The following LRRTM4 variants were observed in gnomAD, a reference collection of about 807,000 sequenced individuals.
LRRTM4 encodes the protein leucine rich repeat transmembrane neuronal 4.
Under a neutral mutation model 47.6 loss-of-function variants are expected in LRRTM4, and 25 were observed. That is an observed-to-expected ratio of 0.53 (90% CI 0.38 to 0.73). The LOEUF (loss-of-function observed/expected upper bound fraction) is 0.73. Ranked by LOEUF, LRRTM4 falls within the 30% of genes least tolerant of loss-of-function variation. The pLI is 0.00. For synonymous variants in LRRTM4, 311 were observed against 269.5 expected, an observed-to-expected ratio of 1.15 and a Z score of -1.51; for missense variants, 638 against 713.4, an observed-to-expected ratio of 0.89 and a Z score of 1.20.
chr2:76,779,577 T>C (rs549035737), intron 3 of LRRTM4, among the ~76,000 whole-genome samples: 2,153 of 149,284 alleles, frequency 0.014, 50 homozygotes, highest in African/African-American at 0.052. Context: ...GAGACTAGGA[T>C]TGCAACCCCT....
rs182384713 is a variant in LRRTM4, at chr2:77,141,556, C to A, written c.1551+376762G>T. On this transcript the variant is annotated intron_variant, in intron 3 of 3. Coordinates refer to ENST00000409884, the MANE Select transcript of LRRTM4 (RefSeq NM_001134745.3). The stretch of plus-strand genomic sequence containing the variant: ...TAATGGGTGCAGCACACCAACATGG[C>A]GCATGTGTACATATGTAACAAACCT... 5.3e-5 allele frequency among the ~76,000 whole-genome samples: 8 copies of A among 152,118 alleles called. No individual in the cohort carries two copies. In the South Asian group the frequency reaches 1.5e-3, roughly 28 times the overall value.
At chr2:77,423,866 A>C (rs1675003744) in intron 3 of LRRTM4, among the ~76,000 whole-genome samples, 1 of 152,214 alleles carries the variant, frequency 6.6e-6, no homozygotes, top group Non-Finnish European at 1.5e-5. Flanking sequence ...GCCTGGGTTC[A>C]GGAATCCCAA....
Position 77,036,087 on chromosome 2 carries a change from T to C in LRRTM4, c.1552-287171A>G, listed in dbSNP as rs370533103. The stretch of plus-strand genomic sequence containing the variant: ...CTAAAGAATACAAATTGATAACTTA[T>C]GCATATGCATGAGTAGTAATGGTTT... On this transcript the variant is annotated intron_variant, in intron 3 of 3. Coordinates refer to ENST00000409884, the MANE Select transcript of LRRTM4 (RefSeq NM_001134745.3). 5.3e-5 allele frequency among the ~76,000 whole-genome samples: 8 copies of C among 151,934 alleles called. No homozygotes were observed. The South Asian group carries it at 1.2e-3, about 24-fold the overall frequency.
At chr2:76,892,883 T>C (rs374139058) in intron 3 of LRRTM4, among the ~76,000 whole-genome samples, 1 of 151,148 alleles carries the variant, frequency 6.6e-6, no homozygotes, top group South Asian at 2.1e-4. Context: ...CAGATGAAAA[T>C]GTGGTAAGAA....
At chr2:77,099,625 A>T (rs1670899453) in intron 3 of LRRTM4, among the ~76,000 whole-genome samples, 1 of 117,898 alleles carries the variant, frequency 8.5e-6, no homozygotes, top group African/African-American at 4.0e-5. Context: ...TGGATAGATG[A>T]ATGTTATTTA....
intron 3 of LRRTM4, among the ~76,000 whole-genome samples, chr2:76,871,182 A>G (rs1672613060): frequency 6.6e-6 from 1 of 152,222 alleles, no homozygotes; most frequent in South Asian, 2.1e-4. Flanking sequence ...TAGAGATGCT[A>G]AAATAGAAAT....
intron 3 of LRRTM4, among the ~76,000 whole-genome samples, chr2:77,115,096 G>C (rs1460111789): frequency 6.6e-6 from 1 of 152,038 alleles, no homozygotes; most frequent in Non-Finnish European, 1.5e-5. Flanking sequence ...GCCGTCTATA[G>C]ACCTAACCCC....
intron 3 of LRRTM4, among the ~76,000 whole-genome samples, chr2:77,004,000 C>A (rs768542490): frequency 1.3e-5 from 2 of 152,070 alleles, no homozygotes; most frequent in African/African-American, 2.4e-5. Flanking sequence ...TTGCCACTGT[C>A]CTAAAGATCT....
At chr2:77,256,218 G>T (rs544164403) in intron 3 of LRRTM4, among the ~76,000 whole-genome samples, 1 of 151,972 alleles carries the variant, frequency 6.6e-6, no homozygotes, top group Non-Finnish European at 1.5e-5. Flanking sequence ...TCACTACTCG[G>T]CCAATTTGAA....
intron 3 of LRRTM4, among the ~76,000 whole-genome samples, chr2:77,477,961 A>AAG: frequency 7.4e-6 from 1 of 135,962 alleles, no homozygotes; most frequent in African/African-American, 2.8e-5. Flanking sequence ...GAAAGAAAGA[A>AAG]AGAAAGAAAA....
intron 3 of LRRTM4, among the ~76,000 whole-genome samples, chr2:77,434,212 G>A (rs567952684): frequency 2.9e-4 from 44 of 151,242 alleles, no homozygotes; most frequent in Non-Finnish European, 5.7e-4. Flanking sequence ...ACAATCATGT[G>A]TGTAGACTTT....
intron 3 of LRRTM4, among the ~76,000 whole-genome samples, chr2:77,274,364 C>T (rs1028401040): frequency 1.3e-5 from 2 of 152,066 alleles, no homozygotes; most frequent in Admixed American, 1.3e-4. Context: ...TGCAGAGAAA[C>T]GTGGTGAAAC....
At chr2:77,397,369 G>A (rs753768055) in intron 3 of LRRTM4, among the ~76,000 whole-genome samples, 3 of 151,826 alleles carry the variant, frequency 2.0e-5, no homozygotes, top group Non-Finnish European at 4.4e-5. Context: ...GAGGGACATT[G>A]TCTAAGACTA....
intron 3 of LRRTM4, among the ~76,000 whole-genome samples, chr2:77,176,201 T>C (rs1300299684): frequency 6.6e-6 from 1 of 152,168 alleles, no homozygotes; most frequent in African/African-American, 2.4e-5. Context: ...TAAATAAATA[T>C]AAAGTCAGCA....
At chr2:76,952,178 T>C (rs1362568648) in intron 3 of LRRTM4, among the ~76,000 whole-genome samples, 1 of 151,964 alleles carries the variant, frequency 6.6e-6, no homozygotes, top group Non-Finnish European at 1.5e-5. Context: ...AGGTATAGGA[T>C]CATATTGACA....
intron 3 of LRRTM4, among the ~76,000 whole-genome samples, chr2:77,363,659 T>C (rs1467356999): frequency 6.6e-6 from 1 of 152,224 alleles, no homozygotes; most frequent in Non-Finnish European, 1.5e-5. Flanking sequence ...AGTAAATGAC[T>C]AATGAATGTG....
At chr2:76,972,619 A>G (rs2103944062) in intron 3 of LRRTM4, among the ~76,000 whole-genome samples, 1 of 151,936 alleles carries the variant, frequency 6.6e-6, no homozygotes, top group East Asian at 2.0e-4. Flanking sequence ...GGTTTTCACC[A>G]TATTGGTCAG....
Position 77,519,476 on chromosome 2 carries a change from T to G in LRRTM4, c.393A>C (p.Pro131=). The G allele has an allele frequency of 6.2e-7, 1 of 1,613,498 alleles. No individual in the cohort carries two copies. Among genetic ancestry groups the G allele is most frequent in the African/African-American group, 1.3e-5 (1 of 75,010 alleles). ...ITYLHNKTFH[P]VPNLRNLDLS... ...GGTCCAGATTGCGGAGATTGGGAAC[T>G]GGGTGAAATGTTTTATTGTGCAGAT... is the stretch of plus-strand genomic sequence containing the variant. The change falls in exon 3 of 4, where the codon CCA becomes CCC. Residue 131 remains proline, a synonymous_variant. Transcript: ENST00000409884. This position sits in a 1 kb window ranked among gnomAD's most constrained non-coding sequence, Gnocchi z 4.6.
intron 3 of LRRTM4, among the ~76,000 whole-genome samples, chr2:77,282,182 C>T (rs185313379): frequency 2.6e-5 from 4 of 151,800 alleles, no homozygotes; most frequent in African/African-American, 9.6e-5. Context: ...TTCCTGGATA[C>T]TTCATTTTTT....
Sources: allele counts gnomAD v4.1 joint callset (sites outside exome capture counted in the v4.1 genomes callset), GRCh38; gene constraint gnomAD v4.1.1; non-coding constraint Gnocchi (gnomAD v3.1); transcripts MANE v1.5; gene names NCBI Gene and HGNC (gene_info 2026-07-23, HGNC 2026-07-21).